SCML2: variants seen among roughly 807,000 people sequenced by gnomAD.
The protein encoded by SCML2 is Scm polycomb group protein like 2.
Under a neutral mutation model 48.4 loss-of-function variants are expected in SCML2, and 6 were observed. The observed-to-expected ratio is 0.12, with a 90% CI of 0.07 to 0.24. The LOEUF is 0.24. Ranked by LOEUF, SCML2 falls within the 10% of genes least tolerant of loss-of-function variation. The pLI is 1.00. For synonymous variants in SCML2, 181 were observed against 189.5 expected (o/e 0.95, Z 0.37); for missense variants, 377 against 528.2 (o/e 0.71, Z 2.81).
At position 18,310,906 on chromosome X, in the gene SCML2, C is replaced by A. The variant is rs375581581; in HGVS notation, c.487-5691G>T. 5.9e-4 allele frequency among the ~76,000 whole-genome samples: 66 copies of A among 111,561 alleles called. No individual in the cohort carries two copies. The South Asian group carries it at 0.025, about 41-fold the overall frequency. On this transcript the variant is annotated intron_variant, in intron 6 of 14. Coordinates refer to ENST00000251900, the MANE Select transcript of SCML2 (RefSeq NM_006089.3). ...TTGTAGCCTCATGGTTCACTGTCTG[C>A]CTTCCTTCAGATCTTTACTCAAAAG... is the stretch of plus-strand genomic sequence containing the variant.
At chrX:18,273,944 C>T (rs1927544674) in intron 7 of SCML2, among the ~76,000 whole-genome samples, 1 of 110,891 alleles carries the variant, frequency 9.0e-6, no homozygotes, top group African/African-American at 3.3e-5. Context: ...CACTCCATCC[C>T]CTTTTCAATT....
chrX:18,298,103 TG>T lies in SCML2; in HGVS notation c.730+6868del, dbSNP rs758953340. On this transcript the variant is annotated intron_variant, in intron 7 of 14. Transcript: ENST00000251900. ...TACAAGAAAAACTACAAAACGCTGA[TG>T]AAAAAAACTAATGAGGACATGAACA... is the stretch of plus-strand genomic sequence containing the variant. Among the ~76,000 whole-genome samples, 4 of 111,272 alleles carry T rather than the reference TG, an allele frequency of 3.6e-5. No individual in the cohort carries two copies. The South Asian group carries it at 1.5e-3, about 42-fold the overall frequency.
chrX:18,249,039 G>A (rs1926552368), intron 11 of SCML2, among the ~76,000 whole-genome samples: 1 of 111,712 alleles, frequency 9.0e-6, no homozygotes, highest in Non-Finnish European at 1.9e-5. Flanking sequence ...ACTAGGAAAA[G>A]CCAGGTAATT....
intron 7 of SCML2, among the ~76,000 whole-genome samples, chrX:18,285,721 T>C (rs1233995133): frequency 8.9e-6 from 1 of 111,816 alleles, no homozygotes; most frequent in East Asian, 2.8e-4. Flanking sequence ...TTTTTGTTTT[T>C]TCCTCAAAAA....
At chrX:18,288,995 C>T (rs1928147361) in intron 7 of SCML2, among the ~76,000 whole-genome samples, 1 of 111,700 alleles carries the variant, frequency 9.0e-6, no homozygotes, top group African/African-American at 3.3e-5. Flanking sequence ...CAGTCACCTG[C>T]TCAAACCTCC....
intron 3 of SCML2, among the ~76,000 whole-genome samples, chrX:18,327,107 A>C (rs1029979456): frequency 9.1e-6 from 1 of 109,975 alleles, no homozygotes; most frequent in Non-Finnish European, 1.9e-5. Context: ...GCAGTGGCTC[A>C]CTCCTGTAAT....
intron 1 of SCML2, among the ~76,000 whole-genome samples, chrX:18,354,166 C>G (rs12011200): frequency 9.7e-5 from 11 of 113,188 alleles, no homozygotes; most frequent in African/African-American, 3.5e-4. Flanking sequence ...CAAAAGTTAT[C>G]TCAGCCCAGA....
intron 7 of SCML2, among the ~76,000 whole-genome samples, chrX:18,299,186 C>T (rs749912873): frequency 9.0e-6 from 1 of 111,651 alleles, no homozygotes; most frequent in Non-Finnish European, 1.9e-5. Context: ...AGGAACTCAA[C>T]AGCAAGAAAA....
Position 18,305,304 on chromosome X carries a change from C to A in SCML2, c.487-89G>T, listed in dbSNP as rs888689673. ...AAGTGAAAAGTTGCGTATTCTCTCA[C>A]AACCCTTAGCAACCAAAAATTAAGC... On this transcript the variant is annotated intron_variant, in intron 6 of 14. Transcript: ENST00000251900. 7.5e-6 allele frequency: 6 copies of A among 803,565 alleles called. No individual in the cohort carries two copies. The East Asian group carries it at 1.9e-4, about 26-fold the overall frequency. The allele number at this position is 803,565 out of a possible 1,213,427, so 66.2% of individuals were successfully genotyped here.
chrX:18,243,105 G>A (rs1423620397), intron 13 of SCML2, among the ~76,000 whole-genome samples: 3 of 111,512 alleles, frequency 2.7e-5, no homozygotes, highest in Non-Finnish European at 1.9e-5. Flanking sequence ...ACAGGGTCTC[G>A]CTCTGTTACC....
At chrX:18,291,818 T>C (rs1928242206) in intron 7 of SCML2, among the ~76,000 whole-genome samples, 1 of 111,877 alleles carries the variant, frequency 8.9e-6, no homozygotes, top group African/African-American at 3.2e-5. Flanking sequence ...TCAATTAATT[T>C]AATATTATGT....
rs143849646 is a variant in SCML2, at chrX:18,269,246, T to C, written c.731-3444A>G. ...AATTGTAATTTCCATAATCCCCACA[T>C]GTCAAGGGAGAGACCAGGTGGAGGA... On this transcript the variant is annotated intron_variant, in intron 7 of 14. Transcript: ENST00000251900. Among the ~76,000 whole-genome samples, 61 of 111,693 alleles carry C rather than the reference T, an allele frequency of 5.5e-4. No individual in the cohort carries two copies. The East Asian group carries it at 0.016, about 29-fold the overall frequency.
rs375271144 is a variant in SCML2 at position 18,330,249 on chromosome X, A to G, written c.91+338T>C. ...CTGACCATGAAAAAAAAGCTTTCAC[A>G]TTGACTGTAACGTTAGAAGGGTTTT... On this transcript the variant is annotated intron_variant, in intron 3 of 14. Transcript: ENST00000251900. Among the ~76,000 whole-genome samples the G allele has an allele frequency of 4.5e-5, 5 of 111,708 alleles. No homozygotes were observed. The East Asian group carries it at 1.1e-3, about 25-fold the overall frequency.
Position 18,241,011 on chromosome X carries a change from A to G in SCML2, c.*240T>C. The stretch of plus-strand genomic sequence containing the variant: ...TGCCAATTTGAATATGCCAATACTA[A>G]CCTGTTAAATGCTTTTTAAAGAAGT... On this transcript the variant is annotated 3_prime_UTR_variant, in exon 15 of 15. Coordinates refer to ENST00000251900, the MANE Select transcript of SCML2 (RefSeq NM_006089.3). 1 of 195,005 alleles carries G rather than the reference A, an allele frequency of 5.1e-6. No homozygotes were observed. The allele number at this position is 195,005 out of a possible 1,213,427, so 16.1% of individuals were successfully genotyped here.
At chrX:18,250,148 T>C (rs1926596750) in intron 11 of SCML2, among the ~76,000 whole-genome samples, 1 of 110,475 alleles carries the variant, frequency 9.1e-6, no homozygotes, top group Non-Finnish European at 1.9e-5. Context: ...GTATGGTCCA[T>C]ACAAAGGAAA....
chrX:18,337,827 A>G (rs986566862), intron 1 of SCML2, among the ~76,000 whole-genome samples: 1 of 111,677 alleles, frequency 9.0e-6, no homozygotes, highest in Admixed American at 9.6e-5. Context: ...TCAAGCTCAC[A>G]TGGAACATTC....
At position 18,265,763 on chromosome X, in the gene SCML2, G is replaced by A; in HGVS notation, c.770C>T (p.Pro257Leu). 8.3e-7 allele frequency: 1 copy of A among 1,209,501 alleles called. No individual in the cohort carries two copies. Among genetic ancestry groups the A allele is most frequent in the East Asian group, 3.0e-5 (1 of 33,812 alleles). Residue 257 changes from proline (P) to leucine (L), a missense_variant, in exon 8 of 15, where the codon CCT becomes CTT. Transcript: ENST00000251900. ...CATTGAATGCTGGCTTGCTTCGGAA[G>A]GAGAAGACTCTGTTTTTGCTATATT... ...VKNIAKTESS[P>L]SEASQHSMQS... is the part of the protein sequence containing the mutation.
rs745864941 is a variant in SCML2 at position 18,306,982 on chromosome X, T to C, written c.487-1767A>G. Among the ~76,000 whole-genome samples the C allele has an allele frequency of 8.1e-5, 9 of 111,417 alleles. No homozygotes were observed. The South Asian group carries it at 3.0e-3, about 38-fold the overall frequency. ...CCATGCCAGGCTGAATTACATATCT[T>C]AATTTGATTCTTAAAAACCACCCTG... On this transcript the variant is annotated intron_variant, in intron 6 of 14. Transcript: ENST00000251900.
In SCML2 at chrX:18,258,361, C is replaced by T. The variant is rs147288447; in HGVS notation, c.1070-114G>A. 650 of 486,934 alleles carry T rather than the reference C, an allele frequency of 1.3e-3. 2 individuals carry two copies. The African/African-American group carries it at 0.014, about 10-fold the overall frequency. 40.1% of individuals were successfully genotyped at this position (486,934 alleles called of 1,213,427 possible). A position where few individuals can be genotyped will look rare whatever the true frequency, so the allele number is the denominator to read the frequency against. On this transcript the variant is annotated intron_variant, in intron 9 of 14. Transcript: ENST00000251900. ...ACTATCCACTTCACTCACAGAAAAC[C>T]TAAATATAGTTAATATCAATGATCA...
Sources: gnomAD v4.1 joint callset for allele counts (sites outside exome capture counted in the v4.1 genomes callset) on GRCh38, gnomAD v4.1.1 for gene constraint, MANE v1.5 for transcripts, NCBI Gene and HGNC (gene_info 2026-07-23, HGNC 2026-07-21) for gene names.